Variants in MGAT4C observed in about 807,000 individuals in gnomAD.
MGAT4C encodes MGAT4 family member C.
Under a neutral mutation model 40.1 loss-of-function variants are expected in MGAT4C, and 19 were observed. The ratio of observed to expected loss-of-function variants is 0.47; its 90% CI spans 0.33 to 0.70. MGAT4C has a LOEUF of 0.70. MGAT4C is among the 30% of genes least tolerant of loss of function. The pLI is 0.02. For missense variants in MGAT4C, 491 were observed against 563.2 expected, an observed-to-expected ratio of 0.87 and a Z score of 1.30; for synonymous variants, 181 against 187.1, an observed-to-expected ratio of 0.97 and a Z score of 0.27.
intron 2 of MGAT4C, among the ~76,000 whole-genome samples, chr12:86,466,918 G>A (rs1194280367): frequency 6.6e-6 from 1 of 152,034 alleles, no homozygotes; most frequent in Non-Finnish European, 1.5e-5. Context: ...AAATTTCTAA[G>A]TTGTATAATT....
In MGAT4C at chr12:86,136,654, T is replaced by G. The variant is rs756525209; in HGVS notation, c.-56-86931A>C. ...TCCTACCCTGCAAACATTTCCTACA[T>G]TCTCTTATCCACTCATATCTTTGTT... On this transcript the variant is annotated intron_variant, in intron 1 of 4. Transcript: ENST00000611864. 9.9e-4 allele frequency among the ~76,000 whole-genome samples: 151 copies of G among 152,142 alleles called. 2 individuals are homozygous for G. The highest frequency in any genetic ancestry group is 1.3e-3 in the Non-Finnish European group (86 of 68,020).
intron 1 of MGAT4C, among the ~76,000 whole-genome samples, chr12:86,097,004 A>T (rs775606098): frequency 2.6e-4 from 40 of 151,524 alleles, no homozygotes; most frequent in Non-Finnish European, 3.4e-4. Context: ...GTAGGTTCAT[A>T]TTTCTTCAGA....
rs528019954 is a variant in MGAT4C, at chr12:85,962,122, G to A, written c.*17167C>T. 2.0e-4 allele frequency: 31 copies of A among 151,844 alleles called. No homozygotes were observed. Among genetic ancestry groups the A allele is most frequent in the African/African-American group, 7.5e-4 (31 of 41,510 alleles). 9.4% of individuals were successfully genotyped at this position (151,844 alleles called of 1,614,324 possible). A position where few individuals can be genotyped will look rare whatever the true frequency, so the allele number is the denominator to read the frequency against. On this transcript the variant is annotated 3_prime_UTR_variant, in exon 5 of 5. Transcript: ENST00000611864. ...GAAAGGATAGATTCCAATGTCAGTG[G>A]GTGAGATGTGCTCTAGCTAGTGTGC...
intron 1 of MGAT4C, among the ~76,000 whole-genome samples, chr12:86,248,063 C>T (rs1952106489): frequency 6.6e-6 from 1 of 152,046 alleles, no homozygotes; most frequent in Admixed American, 6.6e-5. Flanking sequence ...GTTCTTCCTC[C>T]TCTTCACCAC....
intron 4 of MGAT4C, among the ~76,000 whole-genome samples, chr12:86,296,522 G>A (rs1447684082): frequency 2.6e-5 from 4 of 152,228 alleles, no homozygotes; most frequent in African/African-American, 7.2e-5. Flanking sequence ...CAGGCATGGT[G>A]GGCTGCAGGT....
chr12:86,277,454 C>T (rs968765715), intron 4 of MGAT4C, among the ~76,000 whole-genome samples: 2 of 152,110 alleles, frequency 1.3e-5, no homozygotes, highest in Non-Finnish European at 2.9e-5. Context: ...GGGCATTACT[C>T]AAGAAATCTT....
Position 86,349,225 on chromosome 12 carries a change from C to T in MGAT4C, c.-119-15098G>A, listed in dbSNP as rs921515170. Among the ~76,000 whole-genome samples the T allele has an allele frequency of 2.0e-5, 3 of 152,092 alleles. No homozygotes were observed. In the South Asian group the frequency reaches 6.2e-4, roughly 31 times the overall value. ...TGATTGGTGTGGGAAATTAGACCAA[C>T]ACTATGAATTTATCTTGCTCAGAGA... On this transcript the variant is annotated intron_variant, in intron 3 of 7. Transcript: ENST00000548651.
chr12:86,275,778 T>C (rs1314547116), intron 4 of MGAT4C, among the ~76,000 whole-genome samples: 2 of 151,978 alleles, frequency 1.3e-5, no homozygotes, highest in South Asian at 2.1e-4. Flanking sequence ...AGTGCTGACC[T>C]GTTTTAGATT....
At chr12:86,427,085 A>G (rs1956941996) in intron 3 of MGAT4C, among the ~76,000 whole-genome samples, 1 of 152,298 alleles carries the variant, frequency 6.6e-6, no homozygotes, top group Admixed American at 6.5e-5. Flanking sequence ...TATTGGGGAA[A>G]GAAAGGCCAT....
intron 2 of MGAT4C, among the ~76,000 whole-genome samples, chr12:86,012,241 AT>A (rs925809156): frequency 1.3e-5 from 2 of 152,046 alleles, no homozygotes; most frequent in African/African-American, 4.8e-5. Flanking sequence ...TCCTGAGCAT[AT>A]TTTTTTACTA....
chr12:86,633,450 T>C (rs1362398093), intron 2 of MGAT4C, among the ~76,000 whole-genome samples: 1 of 152,088 alleles, frequency 6.6e-6, no homozygotes, highest in Non-Finnish European at 1.5e-5. Context: ...ATCTCAAACT[T>C]GGTGGCATAC....
At chr12:86,049,877 A>G (rs530802118) in intron 1 of MGAT4C, among the ~76,000 whole-genome samples, 154 bp from the exon 2 acceptor site, 10 of 152,136 alleles carry the variant, frequency 6.6e-5, no homozygotes, top group Admixed American at 2.6e-4. Flanking sequence ...ACAGAAAAAT[A>G]TAGACCAAAT....
At chr12:86,320,204 A>G (rs1293747678) in intron 4 of MGAT4C, among the ~76,000 whole-genome samples, 1 of 152,132 alleles carries the variant, frequency 6.6e-6, no homozygotes, top group East Asian at 1.9e-4. Context: ...ATCCTGTCTG[A>G]GAAAAAAATA....
chr12:86,251,152 T>C (rs2136075486), intron 1 of MGAT4C, among the ~76,000 whole-genome samples: 1 of 150,752 alleles, frequency 6.6e-6, no homozygotes, highest in South Asian at 2.1e-4. Context: ...TTTTTTTTAT[T>C]ATGAAGGCAT....
chr12:86,735,049 C>T (rs1950963858), intron 1 of MGAT4C, among the ~76,000 whole-genome samples: 1 of 151,888 alleles, frequency 6.6e-6, no homozygotes, highest in African/African-American at 2.4e-5. Context: ...GGAAAGCCCA[C>T]TTGAGTTTGG....
chr12:86,709,682 G>A (rs1277434353), intron 2 of MGAT4C, among the ~76,000 whole-genome samples: 1 of 151,992 alleles, frequency 6.6e-6, no homozygotes, highest in African/African-American at 2.4e-5. Flanking sequence ...TCAAAGTGCT[G>A]GGATTAAAAG....
chr12:86,546,862 C>T (rs11103985), intron 2 of MGAT4C, among the ~76,000 whole-genome samples: 5,164 of 151,898 alleles, frequency 0.034, 131 homozygotes, highest in Non-Finnish European at 0.047. Flanking sequence ...CGCCTAAAAG[C>T]GTCATGGTAA....
chr12:86,120,485 C>T (rs1458716999), intron 1 of MGAT4C, among the ~76,000 whole-genome samples: 1 of 152,154 alleles, frequency 6.6e-6, no homozygotes, highest in Non-Finnish European at 1.5e-5. Flanking sequence ...TGGGAGACAC[C>T]TCCCAGTAGG....
chr12:86,663,147 G>A (rs1440131959), intron 2 of MGAT4C, among the ~76,000 whole-genome samples: 1 of 151,930 alleles, frequency 6.6e-6, no homozygotes, highest in East Asian at 1.9e-4. Flanking sequence ...TGGATTGCTT[G>A]AGCCCAGGAG....
Sources: allele counts gnomAD v4.1 joint callset (sites outside exome capture counted in the v4.1 genomes callset), GRCh38; gene constraint gnomAD v4.1.1; transcripts MANE v1.5; gene names NCBI Gene and HGNC (gene_info 2026-07-23, HGNC 2026-07-21).